MFF: variants seen among roughly 807,000 people sequenced by gnomAD.
MFF encodes the protein chromosome 2 open reading frame 33.
MFF carries 12 observed loss-of-function variants against 36.9 expected under a neutral mutation model. The observed-to-expected ratio is 0.33, with a 90% CI of 0.21 to 0.53. The LOEUF (loss-of-function observed/expected upper bound fraction) is 0.53, where lower values mean the gene tolerates loss of function less well. MFF is among the 20% of genes least tolerant of loss of function. MFF has a pLI of 0.95. For synonymous variants in MFF, 99 were observed against 126.2 expected (o/e 0.78, Z 1.44); for missense variants, 348 against 366.6 (o/e 0.95, Z 0.42).
intron 2 of MFF, chr2:227,329,665 G>A: frequency 9.9e-7 from 1 of 1,008,228 alleles, no homozygotes; most frequent in South Asian, 1.3e-5. Flanking sequence ...AATGTGTAGG[G>A]GAATTGTTGT....
chr2:227,348,165 A>G (rs1274240424), intron 6 of MFF, among the ~76,000 whole-genome samples: 2 of 152,282 alleles, frequency 1.3e-5, no homozygotes, highest in East Asian at 3.9e-4. Flanking sequence ...AATTTTCATG[A>G]TTATTTAATT....
At chr2:227,342,696 T>C in intron 5 of MFF, 1 of 1,452,630 alleles carries the variant, frequency 6.9e-7, no homozygotes, top group Non-Finnish European at 9.6e-7. Context: ...AGCTTTTTCT[T>C]TGTGTTATAA....
intron 1 of MFF, among the ~76,000 whole-genome samples, chr2:227,327,876 A>G (rs1490957039): frequency 2.0e-5 from 3 of 152,192 alleles, no homozygotes; most frequent in Non-Finnish European, 2.9e-5. Flanking sequence ...AGCTTTTGCT[A>G]TGCTTGAGAT....
chr2:227,328,868 C>T (rs1380829580), intron 2 of MFF, 79 bp downstream of exon 2: 1 of 130,228 alleles, frequency 7.7e-6, no homozygotes, highest in Admixed American at 7.2e-5. Context: ...AGATCTATGT[C>T]CCCAGAGATT....
intron 2 of MFF, chr2:227,329,825 G>C: frequency 7.4e-7 from 1 of 1,354,400 alleles, no homozygotes. Context: ...TTATAGGTTT[G>C]AGAGACAATG....
In MFF at chr2:227,330,338, AGTATGTGT is replaced by A. The variant is rs57899248; in HGVS notation, c.-40-277_-40-270del. ...AAGCAGCATGCATGTTTACGCAGAGAGTATGTGTGTATGTGTGTGTACACATTTGTGTT... is the reference window on the plus strand; with the variant it reads ...AAGCAGCATGCATGTTTACGCAGAGAGTATGTGTGTGTACACATTTGTGTT... On this transcript the variant is annotated intron_variant, in intron 2 of 8. Coordinates refer to ENST00000304593, the MANE Select transcript of MFF (RefSeq NM_001277062.2). 24,471 of 305,114 alleles carry A rather than the reference AGTATGTGT, an allele frequency of 0.08. 1,535 individuals are homozygous for A. The highest frequency in any genetic ancestry group is 0.21 in the African/African-American group (9,654 of 46,532). The allele number at this position is 305,114 out of a possible 1,614,324, so 18.9% of individuals were successfully genotyped here.
chr2:227,338,990 C>T (rs1454921210), intron 4 of MFF, among the ~76,000 whole-genome samples: 1 of 150,188 alleles, frequency 6.7e-6, no homozygotes, highest in Non-Finnish European at 1.5e-5. Flanking sequence ...AACACTTGAG[C>T]TCAGGAGTTC....
At chr2:227,350,760 C>T (rs777441428) in intron 6 of MFF, among the ~76,000 whole-genome samples, 10 of 152,062 alleles carry the variant, frequency 6.6e-5, no homozygotes, top group East Asian at 1.9e-4. Flanking sequence ...AAGTTAATGG[C>T]GGAGCTTGGT....
In MFF at chr2:227,328,723, TA is replaced by T. The variant is rs2074356441; in HGVS notation, c.-104del. On this transcript the variant is annotated 5_prime_UTR_variant, in exon 2 of 9. Coordinates refer to ENST00000304593, the MANE Select transcript of MFF (RefSeq NM_001277062.2). ...CCAGCACATGCACATTGAAGCAAGT[TA>T]AAGGATTTAATATGAAGCACAGAAG... 1 of 176,198 alleles carries T rather than the reference TA, an allele frequency of 5.7e-6. No homozygotes were observed. Among genetic ancestry groups the T allele is most frequent in the Admixed American group, 6.3e-5 (1 of 15,858 alleles). The allele number at this position is 176,198 out of a possible 1,614,324, so 10.9% of individuals were successfully genotyped here. A position where few individuals can be genotyped will look rare whatever the true frequency, so the allele number is the denominator to read the frequency against.
chr2:227,344,550 A>G (rs1019634254), intron 5 of MFF, among the ~76,000 whole-genome samples: 3 of 152,208 alleles, frequency 2.0e-5, no homozygotes, highest in South Asian at 2.1e-4. Context: ...AAAAATACCA[A>G]CAAGACTGCT....
chr2:227,331,450 G>A (rs550648676), intron 3 of MFF, among the ~76,000 whole-genome samples: 113 of 152,138 alleles, frequency 7.4e-4, no homozygotes, highest in Non-Finnish European at 1.5e-3. Flanking sequence ...TTTGTTTGAA[G>A]CTGTTAGGAT....
chr2:227,331,935 G>A (rs1231727335), intron 3 of MFF, among the ~76,000 whole-genome samples: 1 of 142,890 alleles, frequency 7.0e-6, no homozygotes, highest in Non-Finnish European at 1.5e-5. Context: ...ATAAATATTA[G>A]TGAAATGTCA....
chr2:227,328,380 T>C (rs2074330764), intron 1 of MFF, among the ~76,000 whole-genome samples: 1 of 151,196 alleles, frequency 6.6e-6, no homozygotes, highest in Non-Finnish European at 1.5e-5. Context: ...TATACGTAAG[T>C]ATTAGATTCA....
At chr2:227,340,089 A>AGG (rs2075301896) in intron 4 of MFF, among the ~76,000 whole-genome samples, 1 of 146,796 alleles carries the variant, frequency 6.8e-6, no homozygotes, top group Non-Finnish European at 1.5e-5. Context: ...TATAGTAAGT[A>AGG]GGGTGTGTGT....
At chr2:227,327,085 C>G (rs1471603706) in intron 1 of MFF, among the ~76,000 whole-genome samples, 1 of 151,542 alleles carries the variant, frequency 6.6e-6, no homozygotes, top group East Asian at 1.9e-4. Flanking sequence ...GGTAGTGATA[C>G]AAAATTTTCT....
At chr2:227,353,949 G>A (rs1168393443) in intron 7 of MFF, among the ~76,000 whole-genome samples, 1 of 152,148 alleles carries the variant, frequency 6.6e-6, no homozygotes, top group Non-Finnish European at 1.5e-5. Context: ...AGGATGAAGT[G>A]AAGGAAAAGG....
rs374323547 is a variant in MFF, at chr2:227,349,042, A to G, written c.599+1658A>G. ...AGTCCTTAGTGGAGACCAGATTATT[A>G]GGTGCGAGTATATCATATCAAATGC... On this transcript the variant is annotated intron_variant, in intron 6 of 8. Coordinates refer to ENST00000304593, the MANE Select transcript of MFF (RefSeq NM_001277062.2). Among the ~76,000 whole-genome samples, 11 of 152,218 alleles carry G rather than the reference A, an allele frequency of 7.2e-5. No homozygotes were observed. In the East Asian group the frequency reaches 2.1e-3, roughly 29 times the overall value.
At chr2:227,341,541 A>G (rs4130482) in intron 5 of MFF, among the ~76,000 whole-genome samples, 17,542 of 152,094 alleles carry the variant, frequency 0.12, 1,121 homozygotes, top group Non-Finnish European at 0.15. Flanking sequence ...AGATTCAACC[A>G]TTAGTAATAT....
At chr2:227,349,590 G>A (rs551120824) in intron 6 of MFF, among the ~76,000 whole-genome samples, 9 of 152,142 alleles carry the variant, frequency 5.9e-5, no homozygotes, top group African/African-American at 2.2e-4. Flanking sequence ...CAGTCTTATT[G>A]ACGCTTTCAG....
Sources: gnomAD v4.1 joint callset for allele counts (sites outside exome capture counted in the v4.1 genomes callset) on GRCh38, gnomAD v4.1.1 for gene constraint, MANE v1.5 for transcripts, NCBI Gene and HGNC (gene_info 2026-07-23, HGNC 2026-07-21) for gene names.